FBH1: variants seen among roughly 807,000 people sequenced by gnomAD.
FBH1 encodes F-box DNA helicase 1.
A neutral mutation model predicts 115.5 loss-of-function variants in FBH1; 43 were observed. The ratio of observed to expected loss-of-function variants is 0.37; its 90% CI spans 0.29 to 0.48. The LOEUF is 0.48. Among genes scored for constraint, FBH1 ranks in the 20% least tolerant of loss-of-function variants. The pLI is 0.99. For synonymous variants in FBH1, 524 were observed against 507.8 expected (o/e 1.03, Z -0.43); for missense variants, 1,001 against 1,337.3 (o/e 0.75, Z 3.92).
Position 5,913,997 on chromosome 10 carries a change from TG to T in FBH1, c.1304+159del, listed in dbSNP as rs1435661447. Among the ~76,000 whole-genome samples, 1 of 152,244 alleles carries T rather than the reference TG, an allele frequency of 6.6e-6. No homozygotes were observed. The highest frequency in any genetic ancestry group is 6.5e-5 in the Admixed American group (1 of 15,284). On this transcript the variant is annotated intron_variant, in intron 7 of 20. Transcript: ENST00000362091. The surrounding 1 kb of genome is among the most constrained non-coding windows in gnomAD (Gnocchi z 4.4). Reference sequence around the variant, plus strand: ...TCCTAAGAGTGTGATTCAGTGACATTGCCTGAGCTGTGCATCAGCATCATAA... The same window carrying T: ...TCCTAAGAGTGTGATTCAGTGACATTCCTGAGCTGTGCATCAGCATCATAA...
Position 5,927,475 on chromosome 10 carries a change from A to G in FBH1, c.2763A>G (p.Ala921=), listed in dbSNP as rs759268153. The change falls in exon 19 of 21, where the codon GCA becomes GCG. Residue 921 remains alanine (A), a synonymous_variant. Transcript: ENST00000362091. ...SEDEWNLLYV[A]VTRAKKRLIM... is the part of the protein sequence containing the mutation. ...ATGAATGGAATTTACTGTATGTTGC[A>G]GTAACTCGAGCCAAGAAGCGTCTCA... The G allele has an allele frequency of 3.1e-6, 5 of 1,613,768 alleles. No individual in the cohort carries two copies. Among genetic ancestry groups the G allele is most frequent in the South Asian group, 1.1e-5 (1 of 90,958 alleles).
Position 5,924,558 on chromosome 10 carries a change from G to A in FBH1, c.2596+50G>A, listed in dbSNP as rs1315415855. On this transcript the variant is annotated intron_variant, in intron 17 of 20. Coordinates refer to ENST00000362091, the MANE Select transcript of FBH1 (RefSeq NM_178150.3). This position sits in a 1 kb window ranked among gnomAD's most constrained non-coding sequence, Gnocchi z 6.2. ...CTTCCCCCTAAGAGGAGGAACAGAT[G>A]GTCTTCTGCTGTTCTTTTTTTTTTT... 8 of 1,550,342 alleles carry A rather than the reference G, an allele frequency of 5.2e-6. No individual in the cohort carries two copies. The highest frequency in any genetic ancestry group is 4.6e-5 in the South Asian group (4 of 86,904).
rs1843142888 is a variant in FBH1, at chr10:5,898,533, C to T, written c.2-4487C>T. Among the ~76,000 whole-genome samples, 3 of 152,172 alleles carry T rather than the reference C, an allele frequency of 2.0e-5. No individual in the cohort carries two copies. The South Asian group carries it at 6.2e-4, about 32-fold the overall frequency. ...TCAAGTGATTCTTGGGCCTCAGCCT[C>T]CTGAGTAGCTGGGGTTACAGGTGCC... On this transcript the variant is annotated intron_variant, in intron 1 of 20. Transcript: ENST00000362091.
rs1325363717 is a variant in FBH1 at position 5,909,808 on chromosome 10, G to A, written c.1020+514G>A. ...CTTCGAAGCTACGTGCAACCTCTGC[G>A]TGTGTTTTACTGGCCACAGAGGGCT... On this transcript the variant is annotated intron_variant, in intron 5 of 20. Coordinates refer to ENST00000362091, the MANE Select transcript of FBH1 (RefSeq NM_178150.3). This position sits in a 1 kb window ranked among gnomAD's most constrained non-coding sequence, Gnocchi z 4.4. Among the ~76,000 whole-genome samples, 3 of 152,188 alleles carry A rather than the reference G, an allele frequency of 2.0e-5. No individual in the cohort carries two copies. Among genetic ancestry groups the A allele is most frequent in the Non-Finnish European group, 2.9e-5 (2 of 68,034 alleles).
intron 1 of FBH1, 151 bp downstream of exon 1, chr10:5,890,497 G>A (rs1842640545): frequency 1.0e-5 from 3 of 287,524 alleles, no homozygotes; most frequent in Non-Finnish European, 2.0e-5. Context: ...AAGCGCGGGC[G>A]TGGGGGCTCG....
At position 5,914,512 on chromosome 10, in the gene FBH1, G is replaced by GCAGATGCCC. The variant is rs1831806223; in HGVS notation, c.1396+245_1396+253dup. 6.6e-6 allele frequency among the ~76,000 whole-genome samples: 1 copy of GCAGATGCCC among 152,230 alleles called. No homozygotes were observed. Among genetic ancestry groups the GCAGATGCCC allele is most frequent in the Non-Finnish European group, 1.5e-5 (1 of 68,036 alleles). ...TAGTTCACAGCAGTTAGTTGGTCGGGCAGATGCCCCCGGGATTGAGCCCAG... is the reference window on the plus strand; with the variant it reads ...TAGTTCACAGCAGTTAGTTGGTCGGGCAGATGCCCCAGATGCCCCCGGGATTGAGCCCAG... On this transcript the variant is annotated intron_variant, in intron 8 of 20. Coordinates refer to ENST00000362091, the MANE Select transcript of FBH1 (RefSeq NM_178150.3). This position sits in a 1 kb window ranked among gnomAD's most constrained non-coding sequence, Gnocchi z 5.2.
chr10:5,901,179 A>G (rs989037173), intron 1 of FBH1, among the ~76,000 whole-genome samples: 1 of 152,062 alleles, frequency 6.6e-6, no homozygotes, highest in African/African-American at 2.4e-5. Flanking sequence ...AGTATTCTTT[A>G]TTTTCTTTTT....
At chr10:5,927,587 T>G (rs1832728799) in intron 19 of FBH1, 46 bp downstream of exon 19, 1 of 1,497,060 alleles carries the variant, frequency 6.7e-7, no homozygotes, top group Non-Finnish European at 9.2e-7. Flanking sequence ...CATTGAATGT[T>G]ATTTAGTCTG....
Position 5,924,501 on chromosome 10 carries a change from C to T in FBH1, c.2589C>T (p.Asp863=). 1 of 1,613,184 alleles carries T rather than the reference C, an allele frequency of 6.2e-7. No individual in the cohort carries two copies. Among genetic ancestry groups the T allele is most frequent in the Non-Finnish European group, 8.5e-7 (1 of 1,179,790 alleles). ...AAAAATGCCATATAGAAGATTTGGA[C>T]TTTGCAGGTAAGGGAAGCAGTTGGT... ...RIEKCHIEDL[D]FAEYILGTVH... is the part of the protein sequence containing the mutation. The change falls in exon 17 of 21, where the codon GAC becomes GAT. Residue 863 remains aspartate (D), a synonymous_variant. Coordinates refer to ENST00000362091, the MANE Select transcript of FBH1 (RefSeq NM_178150.3). This position sits in a 1 kb window ranked among gnomAD's most constrained non-coding sequence, Gnocchi z 6.2.
chr10:5,894,425 C>A, intron 1 of FBH1: 1 of 1,602,820 alleles, frequency 6.2e-7, no homozygotes, highest in South Asian at 1.1e-5. Context: ...AAGAATGTCA[C>A]AGTAGGAAGT....
In FBH1 at chr10:5,924,422, T is replaced by C. The variant is rs760980112; in HGVS notation, c.2510T>C (p.Ile837Thr). 1.2e-6 allele frequency: 2 copies of C among 1,614,070 alleles called. No individual in the cohort carries two copies. Among genetic ancestry groups the C allele is most frequent in the African/African-American group, 1.3e-5 (1 of 74,928 alleles). The change falls in exon 17 of 21, where the codon ATC becomes ACC. Residue 837 changes from isoleucine (I) to threonine (T), a missense_variant. Coordinates refer to ENST00000362091, the MANE Select transcript of FBH1 (RefSeq NM_178150.3). The surrounding 1 kb of genome is among the most constrained non-coding windows in gnomAD (Gnocchi z 6.2). Reference protein sequence around the residue: ...AAEDKELEAKIAVVEKYNIRI... With the variant: ...AAEDKELEAKTAVVEKYNIRI... ...GAGGACAAGGAGCTTGAAGCCAAGA[T>C]CGCAGTTGTTGAAAAGTATAACATC...
Position 5,918,197 on chromosome 10 carries a change from T to C in FBH1, c.1964-145T>C, listed in dbSNP as rs1832090789. On this transcript the variant is annotated intron_variant, in intron 12 of 20. Transcript: ENST00000362091. The surrounding 1 kb of genome is among the most constrained non-coding windows in gnomAD (Gnocchi z 4.0). The stretch of plus-strand genomic sequence containing the variant: ...TCCATTATAAAATGGCTGCTTTTGA[T>C]GGAGTGTGCCTGTCCTACAGGAAAA... 11 of 846,838 alleles carry C rather than the reference T, an allele frequency of 1.3e-5. No homozygotes were observed. In the East Asian group the frequency reaches 2.4e-4, roughly 18 times the overall value. The allele number at this position is 846,838 out of a possible 1,614,324, so 52.5% of individuals were successfully genotyped here. A position where few individuals can be genotyped will look rare whatever the true frequency, so the allele number is the denominator to read the frequency against.
At chr10:5,930,989 C>CTGG (rs1172953457) in intron 19 of FBH1, among the ~76,000 whole-genome samples, 1 of 152,118 alleles carries the variant, frequency 6.6e-6, no homozygotes, top group African/African-American at 2.4e-5. Context: ...TCTTGAACTC[C>CTGG]TGGGCTTAAG....
In FBH1 at chr10:5,931,470, C is replaced by T. The variant is rs531789049; in HGVS notation, c.2829+3929C>T. On this transcript the variant is annotated intron_variant, in intron 19 of 20. Transcript: ENST00000362091. This position sits in a 1 kb window ranked among gnomAD's most constrained non-coding sequence, Gnocchi z 4.3. Reference sequence around the variant, plus strand: ...TCCATAATCTAATTCACATTTAACACGAAAGGAATTTTACTTCTTTTCTCA... The same window carrying T: ...TCCATAATCTAATTCACATTTAACATGAAAGGAATTTTACTTCTTTTCTCA... 7.2e-5 allele frequency among the ~76,000 whole-genome samples: 11 copies of T among 152,306 alleles called. No individual in the cohort carries two copies. The South Asian group carries it at 8.3e-4, about 11-fold the overall frequency.
rs899864909 is a variant in FBH1 at position 5,935,331 on chromosome 10, A to G, written c.2830-1125A>G. The G allele has an allele frequency of 6.6e-6, 1 of 152,224 alleles. No homozygotes were observed. The highest frequency in any genetic ancestry group is 6.5e-5 in the Admixed American group (1 of 15,286). 9.4% of individuals were successfully genotyped at this position (152,224 alleles called of 1,614,324 possible). On this transcript the variant is annotated intron_variant, in intron 19 of 20. Transcript: ENST00000362091. The surrounding 1 kb of genome is among the most constrained non-coding windows in gnomAD (Gnocchi z 5.2). ...AGAGAGCGCTGTGACTGAGTCCTCT[A>G]CAGCATTTTAGAAAACCTAGGTGAG... is the stretch of plus-strand genomic sequence containing the variant.
rs546785337 is a variant in FBH1, at chr10:5,910,540, C to T, written c.1021-398C>T. ...TCCTGTGTCTGCGTCTCTCATGCCT[C>T]TTGGGTGGGCGCCCCTTGCTGGCTG... On this transcript the variant is annotated intron_variant, in intron 5 of 20. Coordinates refer to ENST00000362091, the MANE Select transcript of FBH1 (RefSeq NM_178150.3). The surrounding 1 kb of genome is among the most constrained non-coding windows in gnomAD (Gnocchi z 4.8). Among the ~76,000 whole-genome samples the T allele has an allele frequency of 1.3e-5, 2 of 152,296 alleles. No individual in the cohort carries two copies. The highest frequency in any genetic ancestry group is 3.9e-4 in the East Asian group (2 of 5,168).
Position 5,924,296 on chromosome 10 carries a change from G to T in FBH1, c.2399-15G>T, listed in dbSNP as rs1197764358. On this transcript the variant is annotated splice_polypyrimidine_tract_variant and intron_variant, in intron 16 of 20. Transcript: ENST00000362091. This position sits in a 1 kb window ranked among gnomAD's most constrained non-coding sequence, Gnocchi z 6.2. ...GAGCTTGTGTCACCTTAATTTGTGT[G>T]TATATTCTTCTTAGAAAACCTCGTC... 1 of 1,613,534 alleles carries T rather than the reference G, an allele frequency of 6.2e-7. No homozygotes were observed. Among genetic ancestry groups the T allele is most frequent in the Admixed American group, 1.7e-5 (1 of 60,016 alleles).
At chr10:5,916,870 A>G (rs951341512) in intron 10 of FBH1, among the ~76,000 whole-genome samples, 3 of 152,210 alleles carry the variant, frequency 2.0e-5, no homozygotes, top group African/African-American at 7.2e-5. Context: ...TGTGAAGGAC[A>G]CTGGTGACCA....
In FBH1 at chr10:5,906,552, G is replaced by A. The variant is rs756079210; in HGVS notation, c.673G>A (p.Ala225Thr). The stretch of plus-strand genomic sequence containing the variant: ...TAGTGAGGTCCTGAGGCACGTGTTT[G>A]CCTTCCTCCCGGTGGAAGACCTCTA... ...LPSEVLRHVF[A>T]FLPVEDLYWN... Residue 225 changes from alanine (A) to threonine (T), a missense_variant, in exon 3 of 21, where the codon GCC becomes ACC. Physicochemically the swap from Ala to Thr is moderately conservative, Grantham distance 58. Coordinates refer to ENST00000362091, the MANE Select transcript of FBH1 (RefSeq NM_178150.3). The surrounding 1 kb of genome is among the most constrained non-coding windows in gnomAD (Gnocchi z 7.3). The A allele has an allele frequency of 1.9e-6, 3 of 1,614,106 alleles. No individual in the cohort carries two copies. The highest frequency in any genetic ancestry group is 2.5e-6 in the Non-Finnish European group (3 of 1,180,036).
Sources: allele counts gnomAD v4.1 joint callset (sites outside exome capture counted in the v4.1 genomes callset), GRCh38; gene constraint gnomAD v4.1.1; non-coding constraint Gnocchi (gnomAD v3.1); transcripts MANE v1.5; gene names NCBI Gene and HGNC (gene_info 2026-07-23, HGNC 2026-07-21).